The following PTPN12 variants were observed in gnomAD, a reference collection of about 807,000 sequenced individuals.
PTPN12 encodes the protein tyrosine-protein phosphatase non-receptor type 12.
In PTPN12, 29 loss-of-function variants were observed where a neutral mutation model predicts 97.6. The observed-to-expected ratio is 0.30, with a 90% CI of 0.22 to 0.41. The LOEUF is 0.41. Ranked by LOEUF, PTPN12 falls within the 10% of genes least tolerant of loss-of-function variation. PTPN12 has a pLI of 1.00. For synonymous variants in PTPN12, 327 were observed against 300.4 expected, an observed-to-expected ratio of 1.09 and a Z score of -0.91; for missense variants, 819 against 926.0, an observed-to-expected ratio of 0.88 and a Z score of 1.50.
intron 5 of PTPN12, among the ~76,000 whole-genome samples, chr7:77,586,932 G>C (rs1201303266): frequency 6.6e-6 from 1 of 152,116 alleles, no homozygotes; most frequent in South Asian, 2.1e-4. Context: ...TGAGATTGTG[G>C]CAATTCATTT....
At chr7:77,550,090 TCTTTGTGCCTGTGTGTCTGCCTGCCTGC>T (rs1414411129) in intron 1 of PTPN12, among the ~76,000 whole-genome samples, 11 of 152,200 alleles carry the variant, frequency 7.2e-5, no homozygotes, top group African/African-American at 2.4e-4. Flanking sequence ...AGTGTGCCTG[TCTTTGTGCCTGTGTGTCTGCCTGCCTGC>T]CTTTGTGCCT....
chr7:77,540,219 A>ATTTCTTTC (rs757480258), intron 1 of PTPN12, among the ~76,000 whole-genome samples: 39 of 149,040 alleles, frequency 2.6e-4, no homozygotes, highest in African/African-American at 8.2e-4. Flanking sequence ...TGGAGAGTTC[A>ATTTCTTTC]TTTCTTTCTT....
At chr7:77,567,919 A>AAC (rs1808326006) in intron 1 of PTPN12, among the ~76,000 whole-genome samples, 1 of 152,254 alleles carries the variant, frequency 6.6e-6, no homozygotes, top group Non-Finnish European at 1.5e-5. Flanking sequence ...GTTAATTGTC[A>AAC]CACAGCTAAG....
chr7:77,561,255 A>G (rs562570534), intron 1 of PTPN12, among the ~76,000 whole-genome samples: 17 of 152,184 alleles, frequency 1.1e-4, no homozygotes, highest in South Asian at 1.0e-3. Flanking sequence ...AGCCATCACA[A>G]TGGTTCGAGT....
At chr7:77,628,140 G>A (rs959479574) in intron 13 of PTPN12, among the ~76,000 whole-genome samples, 2 of 151,886 alleles carry the variant, frequency 1.3e-5, no homozygotes, top group African/African-American at 4.8e-5. Context: ...TTGTTTGTTT[G>A]TTTTTACTGT....
intron 8 of PTPN12, chr7:77,606,831 T>C (rs1024723): frequency 0.68 from 109,664 of 161,660 alleles, 38,383 homozygotes; most frequent in East Asian, 0.9. Flanking sequence ...AGTTACCAGA[T>C]GGACTGTCAT....
intron 11 of PTPN12, among the ~76,000 whole-genome samples, chr7:77,613,870 A>G (rs1338660251): frequency 6.6e-6 from 1 of 151,730 alleles, no homozygotes; most frequent in African/African-American, 2.4e-5. Flanking sequence ...AAGTTCTTTT[A>G]TTGCAATATT....
At chr7:77,559,009 C>T (rs1045108064) in intron 1 of PTPN12, among the ~76,000 whole-genome samples, 1 of 152,174 alleles carries the variant, frequency 6.6e-6, no homozygotes, top group African/African-American at 2.4e-5. Context: ...ACAAGACTCT[C>T]TCTCTGAAAA....
At chr7:77,589,763 ATAT>A (rs975401856) in intron 5 of PTPN12, among the ~76,000 whole-genome samples, 4 of 152,174 alleles carry the variant, frequency 2.6e-5, no homozygotes, top group African/African-American at 4.8e-5. Flanking sequence ...ATATACATTA[ATAT>A]TATTAATCAA....
intron 7 of PTPN12, 123 bp from the exon 8 acceptor site, chr7:77,600,541 G>T: frequency 2.6e-6 from 2 of 765,464 alleles, no homozygotes; most frequent in Non-Finnish European, 4.1e-6. Context: ...ATTTATTTGG[G>T]TTTTTTTAAA....
At chr7:77,583,694 G>A (rs1787595830) in intron 4 of PTPN12, 44 bp downstream of exon 4, 2 of 1,236,914 alleles carry the variant, frequency 1.6e-6, no homozygotes, top group African/African-American at 1.5e-5. Flanking sequence ...AAATACTTAT[G>A]TAATAACATA....
chr7:77,588,236 T>G (rs911537863), intron 5 of PTPN12, among the ~76,000 whole-genome samples: 2 of 152,220 alleles, frequency 1.3e-5, no homozygotes, highest in Non-Finnish European at 2.9e-5. Context: ...TTTAGCTTTT[T>G]TATTTAAAGT....
intron 8 of PTPN12, among the ~76,000 whole-genome samples, chr7:77,605,873 T>C (rs1788354304): frequency 6.6e-6 from 1 of 151,700 alleles, no homozygotes; most frequent in Non-Finnish European, 1.5e-5. Context: ...TATAGCATTC[T>C]TCACCTTTCC....
At chr7:77,592,280 C>CT (rs750930667) in intron 6 of PTPN12, 24 bp downstream of exon 6, 39 of 1,574,988 alleles carry the variant, frequency 2.5e-5, no homozygotes, top group African/African-American at 1.8e-4. Context: ...TTTGTAAACA[C>CT]TTTTTTCAGA....
At chr7:77,630,838 G>T (rs1050026206) in intron 13 of PTPN12, among the ~76,000 whole-genome samples, 1 of 152,114 alleles carries the variant, frequency 6.6e-6, no homozygotes, top group African/African-American at 2.4e-5. Context: ...TATAAAATAC[G>T]CAATATCTGG....
chr7:77,581,566 G>T (rs968129841), intron 3 of PTPN12, 63 bp downstream of exon 3: 26 of 1,039,124 alleles, frequency 2.5e-5, no homozygotes, highest in Non-Finnish European at 3.0e-5. Flanking sequence ...TACTAGTTTT[G>T]TAAAAACTTT....
At chr7:77,625,062 G>T (rs1373020954) in intron 12 of PTPN12, among the ~76,000 whole-genome samples, 1 of 152,054 alleles carries the variant, frequency 6.6e-6, no homozygotes, top group African/African-American at 2.4e-5. Context: ...TGGAACCCAG[G>T]AGGTAGAGGT....
intron 14 of PTPN12, among the ~76,000 whole-genome samples, chr7:77,633,332 G>A (rs1789471185): frequency 6.6e-6 from 1 of 151,836 alleles, no homozygotes; most frequent in Non-Finnish European, 1.5e-5. Context: ...ATTAAAAATA[G>A]CACTTATTGA....
intron 16 of PTPN12, among the ~76,000 whole-genome samples, chr7:77,637,606 C>G (rs902161881): frequency 6.6e-6 from 1 of 151,956 alleles, no homozygotes; most frequent in Non-Finnish European, 1.5e-5. Context: ...CCTATAATCC[C>G]AGCACTTTGG....
Sources: gnomAD v4.1 joint callset for allele counts (sites outside exome capture counted in the v4.1 genomes callset) on GRCh38, gnomAD v4.1.1 for gene constraint, MANE v1.5 for transcripts, NCBI Gene and HGNC (gene_info 2026-07-23, HGNC 2026-07-21) for gene names.